Variants in NRXN1 observed in about 807,000 individuals in gnomAD.
NRXN1 encodes the protein neurexin 1, also known as neurexin-1.
A neutral mutation model predicts 150.9 loss-of-function variants in NRXN1; 39 were observed. That is an observed-to-expected ratio of 0.26 (90% confidence interval 0.20 to 0.34). The LOEUF is 0.34. Ranked by LOEUF, NRXN1 falls within the 10% of genes least tolerant of loss-of-function variation. The pLI is 1.00. For missense variants in NRXN1, 1,815 were observed against 1,949.9 expected (o/e 0.93, Z 1.30); for synonymous variants, 924 against 757.0 (o/e 1.22, Z -3.62).
At chr2:50,927,055 T>C (rs1687008503) in intron 2 of NRXN1, among the ~76,000 whole-genome samples, 1 of 151,982 alleles carries the variant, frequency 6.6e-6, no homozygotes, top group Non-Finnish European at 1.5e-5. Flanking sequence ...AATAGTAAAC[T>C]CTACCCATGT....
chr2:51,008,555 C>CATCA (rs1667382748), intron 2 of NRXN1, among the ~76,000 whole-genome samples: 1 of 151,870 alleles, frequency 6.6e-6, no homozygotes, highest in Non-Finnish European at 1.5e-5. Flanking sequence ...AATCATTACA[C>CATCA]ATCAATTCCT....
chr2:50,307,247 G>T (rs1423757850), intron 17 of NRXN1, among the ~76,000 whole-genome samples: 2 of 152,160 alleles, frequency 1.3e-5, no homozygotes, highest in Non-Finnish European at 2.9e-5. Context: ...CTCCCAAAGT[G>T]CTGGGATCAC....
chr2:50,642,957 C>A (rs922857141), intron 5 of NRXN1, among the ~76,000 whole-genome samples: 2 of 151,890 alleles, frequency 1.3e-5, no homozygotes, highest in African/African-American at 4.8e-5. Context: ...TTCTATTTAA[C>A]TGTGAGATAT....
rs114332716 is a variant in NRXN1, at chr2:50,398,079, C to T, written c.3364+67363G>A. Among the ~76,000 whole-genome samples, 552 of 152,232 alleles carry T rather than the reference C, an allele frequency of 3.6e-3. 3 individuals are homozygous for T. Among genetic ancestry groups the T allele is most frequent in the African/African-American group, 0.012 (503 of 41,558 alleles). ...GTTTAAACATTGCTTTCCACACACA[C>T]GTTTCAGAGGCTGTGACATTTTCAG... is the stretch of plus-strand genomic sequence containing the variant. On this transcript the variant is annotated intron_variant, in intron 17 of 22. Coordinates refer to ENST00000401669, the MANE Select transcript of NRXN1 (RefSeq NM_001330078.2).
At chr2:50,191,827 A>G (rs1415187839) in intron 18 of NRXN1, among the ~76,000 whole-genome samples, 1 of 152,190 alleles carries the variant, frequency 6.6e-6, no homozygotes, top group East Asian at 1.9e-4. Flanking sequence ...ACTGTGCATA[A>G]CACATTTTAA....
chr2:50,527,529 T>C (rs1042480802), intron 12 of NRXN1, among the ~76,000 whole-genome samples: 2 of 152,220 alleles, frequency 1.3e-5, no homozygotes, highest in Non-Finnish European at 2.9e-5. Context: ...TACTTTTTTA[T>C]TGGTCTGATT....
intron 18 of NRXN1, among the ~76,000 whole-genome samples, chr2:50,234,564 GTA>G (rs2065246998): frequency 6.6e-6 from 1 of 152,068 alleles, no homozygotes; most frequent in Non-Finnish European, 1.5e-5. Flanking sequence ...TGTTGAGTCT[GTA>G]ATGTCTAATC....
At chr2:49,950,532 G>T (rs145690865) in intron 21 of NRXN1, among the ~76,000 whole-genome samples, 302 of 152,000 alleles carry the variant, frequency 2.0e-3, no homozygotes, top group Non-Finnish European at 2.8e-3. Flanking sequence ...TACACATGAA[G>T]GTATAAATTG....
At chr2:50,390,373 G>T (rs1000080556) in intron 17 of NRXN1, among the ~76,000 whole-genome samples, 3 of 152,018 alleles carry the variant, frequency 2.0e-5, no homozygotes, top group Admixed American at 1.3e-4. Context: ...AAATCTATTT[G>T]AAAACTTATA....
chr2:50,409,744 T>G (rs543184013), intron 17 of NRXN1, among the ~76,000 whole-genome samples: 1 of 152,230 alleles, frequency 6.6e-6, no homozygotes, highest in Non-Finnish European at 1.5e-5. Flanking sequence ...AATAGTTACA[T>G]GTATAAGAAT....
chr2:50,739,190 G>A, intron 5 of NRXN1: 3 of 413,070 alleles, frequency 7.3e-6, no homozygotes, highest in East Asian at 1.2e-4. Context: ...TATGATTATG[G>A]ATTTTCTGAC....
chr2:51,014,143 T>C (rs1472090043), intron 2 of NRXN1, among the ~76,000 whole-genome samples: 3 of 152,046 alleles, frequency 2.0e-5, no homozygotes, highest in East Asian at 3.9e-4. Flanking sequence ...GAAAGTGCAG[T>C]GATGCTGCTG....
At chr2:50,533,277 G>C (rs2093166307) in intron 10 of NRXN1, among the ~76,000 whole-genome samples, 1 of 152,006 alleles carries the variant, frequency 6.6e-6, no homozygotes, top group South Asian at 2.1e-4. Context: ...TCTCTCCTGA[G>C]CTGTAGCATT....
At chr2:50,207,202 T>C (rs1044398068) in intron 18 of NRXN1, among the ~76,000 whole-genome samples, 3 of 152,126 alleles carry the variant, frequency 2.0e-5, no homozygotes, top group African/African-American at 7.2e-5. Context: ...TCACATTTTA[T>C]CTACCTGATT....
intron 21 of NRXN1, among the ~76,000 whole-genome samples, chr2:49,988,143 T>C (rs1681249021): frequency 6.6e-6 from 1 of 152,104 alleles, no homozygotes; most frequent in South Asian, 2.1e-4. Flanking sequence ...GGGAAATATA[T>C]ATTAAAGAGT....
intron 5 of NRXN1, among the ~76,000 whole-genome samples, chr2:50,721,244 C>G (rs1696610800): frequency 6.6e-6 from 1 of 152,138 alleles, no homozygotes; most frequent in African/African-American, 2.4e-5. Context: ...TTCAATTTCC[C>G]TAGGCCTGTG....
intron 5 of NRXN1, among the ~76,000 whole-genome samples, chr2:50,793,569 C>G (rs899557270): frequency 2.0e-5 from 3 of 152,046 alleles, no homozygotes; most frequent in Non-Finnish European, 4.4e-5. Context: ...TGGGAATTAA[C>G]AGAAAATCCT....
intron 17 of NRXN1, among the ~76,000 whole-genome samples, chr2:50,371,958 AG>A (rs1437995063): frequency 6.6e-6 from 1 of 152,084 alleles, no homozygotes; most frequent in Non-Finnish European, 1.5e-5. Flanking sequence ...TGAATTAAAA[AG>A]GTATTCATAT....
intron 17 of NRXN1, among the ~76,000 whole-genome samples, chr2:50,402,026 G>C (rs1194745885): frequency 1.3e-5 from 2 of 152,036 alleles, no homozygotes; most frequent in Admixed American, 6.6e-5. Context: ...GCTCAACCTG[G>C]ACTTGCCTAG....
Sources: allele counts gnomAD v4.1 joint callset (sites outside exome capture counted in the v4.1 genomes callset), GRCh38; gene constraint gnomAD v4.1.1; transcripts MANE v1.5; gene names NCBI Gene and HGNC (gene_info 2026-07-23, HGNC 2026-07-21).